The following LYPD1 variants were observed in gnomAD, a reference collection of about 807,000 sequenced individuals.
The protein encoded by LYPD1 is LY6/PLAUR domain containing 1, also known as ly6/PLAUR domain-containing protein 1.
Under a neutral mutation model 14.2 loss-of-function variants are expected in LYPD1, and 14 were observed. The ratio of observed to expected loss-of-function variants is 0.99; its 90% CI spans 0.65 to 1.54. LYPD1 has a LOEUF of 1.54. Ranked by LOEUF, LYPD1 falls within the 40% of genes most tolerant of loss-of-function variation. The probability of loss-of-function intolerance (pLI) is 0.00; values close to 1 mark genes in which losing one functional copy is unlikely to be tolerated. For synonymous variants in LYPD1, 85 were observed against 70.6 expected (o/e 1.20, Z -1.02); for missense variants, 165 against 175.7 (o/e 0.94, Z 0.34).
chr2:132,646,178 A>C lies in LYPD1; in HGVS notation c.293T>G (p.Ile98Ser). The C allele has an allele frequency of 1.2e-6, 2 of 1,610,894 alleles. No homozygotes were observed. Among genetic ancestry groups the C allele is most frequent in the Non-Finnish European group, 1.7e-6 (2 of 1,178,208 alleles). Reference protein sequence around the residue: ...CSPGKLNSVCISCCNTPLCNG... With the variant: ...CSPGKLNSVCSSCCNTPLCNG... Reference sequence around the variant, plus strand: ...ACAAAGAGGGGTGTTGCAGCAGCTGATGCAAACTGAGTTCAGTTTCCCTGG... The same window carrying C: ...ACAAAGAGGGGTGTTGCAGCAGCTGCTGCAAACTGAGTTCAGTTTCCCTGG... The change falls in exon 3 of 3, where the codon ATC becomes AGC. Residue 98 changes from isoleucine (I) to serine (S), a missense_variant. Ile to Ser is a moderately radical substitution (Grantham distance 142, BLOSUM62 -2). Transcript: ENST00000397463.
At position 132,670,052 on chromosome 2, in the gene LYPD1, C is replaced by A. The variant is rs1443016008; in HGVS notation, c.-120G>T. On this transcript the variant is annotated 5_prime_UTR_variant, in exon 1 of 3. Transcript: ENST00000397463. This position sits in a 1 kb window ranked among gnomAD's most constrained non-coding sequence, Gnocchi z 4.5. ...GCTGCTGGGGCCCGCGCTGCTGCCG[C>A]GGAGACGACGGTCGTAGCTTAGAGG... The A allele has an allele frequency of 1.3e-6, 2 of 1,532,826 alleles. No individual in the cohort carries two copies. Among genetic ancestry groups the A allele is most frequent in the Non-Finnish European group, 1.7e-6 (2 of 1,149,114 alleles). 95.0% of individuals were successfully genotyped at this position (1,532,826 alleles called of 1,614,324 possible). A position where few individuals can be genotyped will look rare whatever the true frequency, so the allele number is the denominator to read the frequency against.
chr2:132,646,415 G>A (rs1171848792), intron 2 of LYPD1, 135 bp from the exon 3 acceptor site: 3 of 458,832 alleles, frequency 6.5e-6, no homozygotes, highest in South Asian at 1.7e-4. Context: ...TCAGGGAAGT[G>A]CTTCGGATTG....
Position 132,670,203 on chromosome 2 carries a change from A to C in LYPD1, c.-271T>G. 1.8e-6 allele frequency: 2 copies of C among 1,100,826 alleles called. No homozygotes were observed. The highest frequency in any genetic ancestry group is 2.4e-6 in the Non-Finnish European group (2 of 843,810). The allele number at this position is 1,100,826 out of a possible 1,614,324, so 68.2% of individuals were successfully genotyped here. ...CTCCGGAGTTGGCGGCTGAGACTGA[A>C]GGAACTACTGGCGATCGGGAGCACC... On this transcript the variant is annotated 5_prime_UTR_variant, in exon 1 of 3. Coordinates refer to ENST00000397463, the MANE Select transcript of LYPD1 (RefSeq NM_144586.7). The surrounding 1 kb of genome is among the most constrained non-coding windows in gnomAD (Gnocchi z 4.5).
At chr2:132,651,373 A>G (rs73955771) in intron 2 of LYPD1, among the ~76,000 whole-genome samples, 1,570 of 152,190 alleles carry the variant, frequency 0.01, 36 homozygotes, top group African/African-American at 0.036. Flanking sequence ...GTCACGGGGC[A>G]GGGGTATTTG....
intron 2 of LYPD1, among the ~76,000 whole-genome samples, chr2:132,663,685 A>C (rs1015394340): frequency 2.0e-5 from 3 of 152,126 alleles, no homozygotes; most frequent in African/African-American, 7.2e-5. Flanking sequence ...AGCCCATCTG[A>C]TTGATTCAAA....
At chr2:132,668,793 C>T (rs1282296672) in intron 1 of LYPD1, among the ~76,000 whole-genome samples, 1 of 152,202 alleles carries the variant, frequency 6.6e-6, no homozygotes, top group African/African-American at 2.4e-5. Context: ...CCATCCATTA[C>T]CACCCCAGGC....
intron 2 of LYPD1, among the ~76,000 whole-genome samples, chr2:132,654,500 T>C (rs1682480342): frequency 6.6e-6 from 1 of 152,106 alleles, no homozygotes; most frequent in African/African-American, 2.4e-5. Context: ...GCTTGACCAC[T>C]CTCATGCTGA....
chr2:132,647,916 A>T (rs1682190074), intron 2 of LYPD1, among the ~76,000 whole-genome samples: 2 of 152,140 alleles, frequency 1.3e-5, no homozygotes, highest in African/African-American at 4.8e-5. Flanking sequence ...GGAGGTAAAG[A>T]AGTACTTTAG....
chr2:132,661,312 C>G (rs1682926085), intron 2 of LYPD1, among the ~76,000 whole-genome samples: 1 of 152,190 alleles, frequency 6.6e-6, no homozygotes, highest in Non-Finnish European at 1.5e-5. Context: ...TGGCACCAAG[C>G]AGATGTTTGA....
intron 2 of LYPD1, among the ~76,000 whole-genome samples, chr2:132,655,780 C>T (rs1309166452): frequency 6.6e-6 from 1 of 152,134 alleles, no homozygotes; most frequent in African/African-American, 2.4e-5. Context: ...TCCCAAAGTG[C>T]TGGGATTACA....
chr2:132,661,008 C>T (rs886611362), intron 2 of LYPD1, among the ~76,000 whole-genome samples: 1 of 152,150 alleles, frequency 6.6e-6, no homozygotes, highest in African/African-American at 2.4e-5. Context: ...GATGCTTAAG[C>T]CCCCCAGGAA....
In LYPD1 at chr2:132,646,199, C is replaced by A. The variant is rs780970268; in HGVS notation, c.272G>T (p.Gly91Val). The A allele has an allele frequency of 2.5e-6, 4 of 1,607,278 alleles. No individual in the cohort carries two copies. The change falls in exon 3 of 3, where the codon GGG becomes GTG. Residue 91 changes from glycine to valine, a missense_variant. Gly to Val is a moderately radical substitution (Grantham distance 109). Coordinates refer to ENST00000397463, the MANE Select transcript of LYPD1 (RefSeq NM_144586.7). ...SAGYQSFCSP[G>V]KLNSVCISCC... The stretch of plus-strand genomic sequence containing the variant: ...GCTGATGCAAACTGAGTTCAGTTTC[C>A]CTGGGGAGCAGAAGGACTGGTACCC...
intron 2 of LYPD1, among the ~76,000 whole-genome samples, chr2:132,657,735 T>C (rs1285515436): frequency 1.3e-5 from 2 of 152,266 alleles, no homozygotes; most frequent in Non-Finnish European, 2.9e-5. Flanking sequence ...TGTTGGTATA[T>C]GTGTTTCTTT....
intron 2 of LYPD1, among the ~76,000 whole-genome samples, chr2:132,661,523 C>T (rs1573747630): frequency 1.3e-5 from 2 of 152,144 alleles, no homozygotes; most frequent in South Asian, 4.2e-4. Context: ...GATATCTGCC[C>T]CAGCAAGAGG....
intron 2 of LYPD1, among the ~76,000 whole-genome samples, chr2:132,647,263 C>T (rs1221232649): frequency 1.3e-5 from 2 of 152,188 alleles, no homozygotes; most frequent in Non-Finnish European, 2.9e-5. Context: ...CCCAAGGTCA[C>T]ATGAACAGGA....
Position 132,644,997 on chromosome 2 carries a change from C to CT in LYPD1, c.*1047_*1048insA. 7.5e-7 allele frequency: 1 copy of CT among 1,329,364 alleles called. No individual in the cohort carries two copies. Among genetic ancestry groups the CT allele is most frequent in the Non-Finnish European group, 1.0e-6 (1 of 977,302 alleles). The allele number at this position is 1,329,364 out of a possible 1,614,324, so 82.3% of individuals were successfully genotyped here. On this transcript the variant is annotated 3_prime_UTR_variant, in exon 3 of 3. Coordinates refer to ENST00000397463, the MANE Select transcript of LYPD1 (RefSeq NM_144586.7). ...TTGGTACCATTTCCTGGCCAGTAAG[C>CT]ACAGAACAGAGGGGCTAAATATTTT...
intron 2 of LYPD1, among the ~76,000 whole-genome samples, chr2:132,647,716 T>C (rs1423310353): frequency 6.6e-6 from 1 of 152,180 alleles, no homozygotes; most frequent in East Asian, 1.9e-4. Context: ...AATTAACAGG[T>C]CTTAATCCTG....
At chr2:132,651,784 G>A (rs1678978990) in intron 2 of LYPD1, among the ~76,000 whole-genome samples, 1 of 152,224 alleles carries the variant, frequency 6.6e-6, no homozygotes, top group Non-Finnish European at 1.5e-5. Context: ...TGTGTCTGCA[G>A]GGGGATGTGT....
At chr2:132,648,801 AAG>A (rs897425895) in intron 2 of LYPD1, among the ~76,000 whole-genome samples, 4 of 152,060 alleles carry the variant, frequency 2.6e-5, no homozygotes, top group Non-Finnish European at 4.4e-5. Flanking sequence ...ACAGCTCCAT[AAG>A]GGGCATTTAC....
Sources: gnomAD v4.1 joint callset for allele counts (sites outside exome capture counted in the v4.1 genomes callset) on GRCh38, gnomAD v4.1.1 for gene constraint, Gnocchi (gnomAD v3.1) non-coding constraint, MANE v1.5 for transcripts, NCBI Gene and HGNC (gene_info 2026-07-23, HGNC 2026-07-21) for gene names.